BRSK1: variants seen among roughly 807,000 people sequenced by gnomAD.
The protein encoded by BRSK1 is serine/threonine-protein kinase BRSK1.
In BRSK1, 17 loss-of-function variants were observed where a neutral mutation model predicts 86.2. That is an observed-to-expected ratio of 0.20 (90% CI 0.14 to 0.30). The LOEUF (loss-of-function observed/expected upper bound fraction) is 0.30, where lower values mean the gene tolerates loss of function less well. Ranked by LOEUF, BRSK1 falls within the 10% of genes least tolerant of loss-of-function variation. The pLI is 1.00. For synonymous variants in BRSK1, 464 were observed against 440.1 expected (o/e 1.05, Z -0.68); for missense variants, 719 against 1,071.9 (o/e 0.67, Z 4.60).
Position 55,302,220 on chromosome 19 carries a change from G to A in BRSK1, c.857+52G>A, listed in dbSNP as rs2088582063. The stretch of plus-strand genomic sequence containing the variant: ...GGTCCCTGGCGGAAATAGGGGAGGG[G>A]CCAAAGCAGTAGAAGCGGCTGGGAG... On this transcript the variant is annotated intron_variant, in intron 9 of 18. Coordinates refer to ENST00000309383, the MANE Select transcript of BRSK1 (RefSeq NM_032430.2). This position sits in a 1 kb window ranked among gnomAD's most constrained non-coding sequence, Gnocchi z 6.3. 2.5e-6 allele frequency: 4 copies of A among 1,599,474 alleles called. No individual in the cohort carries two copies. The highest frequency in any genetic ancestry group is 2.7e-5 in the African/African-American group (2 of 74,610).
Position 55,304,406 on chromosome 19 carries a change from T to C in BRSK1, c.1348-145T>C. 9.3e-7 allele frequency: 1 copy of C among 1,078,984 alleles called. No homozygotes were observed. Among genetic ancestry groups the C allele is most frequent in the Admixed American group, 3.1e-5 (1 of 31,912 alleles). The allele number at this position is 1,078,984 out of a possible 1,614,324, so 66.8% of individuals were successfully genotyped here. A position where few individuals can be genotyped will look rare whatever the true frequency, so the allele number is the denominator to read the frequency against. On this transcript the variant is annotated intron_variant, in intron 13 of 18. Coordinates refer to ENST00000309383, the MANE Select transcript of BRSK1 (RefSeq NM_032430.2). This position sits in a 1 kb window ranked among gnomAD's most constrained non-coding sequence, Gnocchi z 5.2. ...GATAGAAAGTCTTTGCTATCCTTGC[T>C]CTGGGGCCTGGGAAGGAGGATACTT...
intron 7 of BRSK1, among the ~76,000 whole-genome samples, chr19:55,296,751 G>C (rs531179349): frequency 1.6e-3 from 248 of 152,258 alleles, no homozygotes; most frequent in African/African-American, 5.8e-3. Context: ...GGGAGGCTGA[G>C]GCAGGAGAAT....
At position 55,302,226 on chromosome 19, in the gene BRSK1, G is replaced by A. The variant is rs1373159690; in HGVS notation, c.857+58G>A. On this transcript the variant is annotated intron_variant, in intron 9 of 18. Coordinates refer to ENST00000309383, the MANE Select transcript of BRSK1 (RefSeq NM_032430.2). This position sits in a 1 kb window ranked among gnomAD's most constrained non-coding sequence, Gnocchi z 6.3. ...TGGCGGAAATAGGGGAGGGGCCAAA[G>A]CAGTAGAAGCGGCTGGGAGGGGTGG... is the stretch of plus-strand genomic sequence containing the variant. 3 of 1,598,462 alleles carry A rather than the reference G, an allele frequency of 1.9e-6. No homozygotes were observed. Among genetic ancestry groups the A allele is most frequent in the Non-Finnish European group, 2.6e-6 (3 of 1,166,016 alleles).
chr19:55,311,023 C>T (rs994027140), intron 18 of BRSK1, among the ~76,000 whole-genome samples: 17 of 152,100 alleles, frequency 1.1e-4, no homozygotes, highest in Admixed American at 2.0e-4. Context: ...TGCAGTGGCG[C>T]GATCTCAGCT....
chr19:55,299,763 G>A (rs1652649024), intron 7 of BRSK1, among the ~76,000 whole-genome samples: 1 of 152,098 alleles, frequency 6.6e-6, no homozygotes, highest in African/African-American at 2.4e-5. Context: ...AGAGGAAACT[G>A]AGGCTCTGTG....
In BRSK1 at chr19:55,302,563, C is replaced by T. The variant is rs958455580; in HGVS notation, c.858-134C>T. ...AGATGGGGGGCGAGGTCTGGGGCGT[C>T]TGGATTCCTGGGTATGAGAGAGAAG... On this transcript the variant is annotated intron_variant, in intron 9 of 18. Coordinates refer to ENST00000309383, the MANE Select transcript of BRSK1 (RefSeq NM_032430.2). The surrounding 1 kb of genome is among the most constrained non-coding windows in gnomAD (Gnocchi z 6.3). The T allele has an allele frequency of 2.0e-5, 24 of 1,201,950 alleles. No homozygotes were observed. Among genetic ancestry groups the T allele is most frequent in the Non-Finnish European group, 2.6e-5 (22 of 853,022 alleles). 74.5% of individuals were successfully genotyped at this position (1,201,950 alleles called of 1,614,324 possible). A position where few individuals can be genotyped will look rare whatever the true frequency, so the allele number is the denominator to read the frequency against.
intron 3 of BRSK1, among the ~76,000 whole-genome samples, chr19:55,289,136 C>A (rs888776296): frequency 6.6e-6 from 1 of 152,132 alleles, no homozygotes; most frequent in African/African-American, 2.4e-5. Flanking sequence ...GTCGCCTTAT[C>A]TCCTGAAACC....
At chr19:55,298,672 C>T (rs970826569) in intron 7 of BRSK1, among the ~76,000 whole-genome samples, 5 of 152,204 alleles carry the variant, frequency 3.3e-5, no homozygotes, top group African/African-American at 1.2e-4. Flanking sequence ...AACAAAGTGA[C>T]CCTGTTTCAG....
In BRSK1 at chr19:55,302,090, T is replaced by C. The variant is rs768892600; in HGVS notation, c.826-47T>C. ...CAGTCTTTCATTGCGCGCCTACATG[T>C]GCCTACGACCTCACTTCTGCTTCTC... On this transcript the variant is annotated intron_variant, in intron 8 of 18. Coordinates refer to ENST00000309383, the MANE Select transcript of BRSK1 (RefSeq NM_032430.2). The surrounding 1 kb of genome is among the most constrained non-coding windows in gnomAD (Gnocchi z 6.3). 4.3e-5 allele frequency: 69 copies of C among 1,612,460 alleles called. No homozygotes were observed. The highest frequency in any genetic ancestry group is 5.9e-5 in the Non-Finnish European group (69 of 1,178,546).
At position 55,292,559 on chromosome 19, in the gene BRSK1, C is replaced by T. The variant is rs531128141; in HGVS notation, c.459-1458C>T. The stretch of plus-strand genomic sequence containing the variant: ...TATTATAAAAAGTTTCCAGGCCGGG[C>T]GCGGTGGCTCACGCCTGTAATCCCA... On this transcript the variant is annotated intron_variant, in intron 4 of 18. Transcript: ENST00000309383. 3.1e-4 allele frequency among the ~76,000 whole-genome samples: 47 copies of T among 152,176 alleles called. No homozygotes were observed. In the East Asian group the frequency reaches 8.3e-3, roughly 27 times the overall value.
Position 55,294,351 on chromosome 19 carries a change from G to T in BRSK1, c.632G>T (p.Arg211Leu), listed in dbSNP as rs779748376. ...VIKGEKYDGR[R>L]ADMWSCGVIL... ...CAGGGGGAAAAATATGATGGCCGCCGGGCAGACATGTGGAGCTGTGGAGTC... is the reference window on the plus strand; with the variant it reads ...CAGGGGGAAAAATATGATGGCCGCCTGGCAGACATGTGGAGCTGTGGAGTC... Residue 211 changes from arginine (R) to leucine (L), a missense_variant, in exon 7 of 19, where the codon CGG (arginine) becomes CTG (leucine). Physicochemically the swap from Arg to Leu is moderately radical, Grantham distance 102. Coordinates refer to ENST00000309383, the MANE Select transcript of BRSK1 (RefSeq NM_032430.2). The surrounding 1 kb of genome is among the most constrained non-coding windows in gnomAD (Gnocchi z 4.9). 6.2e-7 allele frequency: 1 copy of T among 1,613,974 alleles called. No individual in the cohort carries two copies. The highest frequency in any genetic ancestry group is 2.2e-5 in the East Asian group (1 of 44,896).
rs553093033 is a variant in BRSK1, at chr19:55,312,166, G to C, written c.*98G>C. 47 of 582,098 alleles carry C rather than the reference G, an allele frequency of 8.1e-5. No homozygotes were observed. Among genetic ancestry groups the C allele is most frequent in the Non-Finnish European group, 1.1e-4 (38 of 344,264 alleles). The allele number at this position is 582,098 out of a possible 1,614,324, so 36.1% of individuals were successfully genotyped here. A position where few individuals can be genotyped will look rare whatever the true frequency, so the allele number is the denominator to read the frequency against. ...TAAGGCCCAAGGAACATGTCGGGAG[G>C]GGGGTGGACACAAAAACCGGCCTTG... On this transcript the variant is annotated 3_prime_UTR_variant, in exon 19 of 19. Coordinates refer to ENST00000309383, the MANE Select transcript of BRSK1 (RefSeq NM_032430.2).
chr19:55,310,111 C>T lies in BRSK1; in HGVS notation c.2179+1383C>T, dbSNP rs74532565. On this transcript the variant is annotated intron_variant, in intron 18 of 18. Transcript: ENST00000309383. This position sits in a 1 kb window ranked among gnomAD's most constrained non-coding sequence, Gnocchi z 5.0. ...TCAACTAGGGGAGCTGGTTTCACCC[C>T]GTGTTTGTTTTCTATGGCCGCCGTC... is the stretch of plus-strand genomic sequence containing the variant. Among the ~76,000 whole-genome samples the T allele has an allele frequency of 3.6e-4, 55 of 152,312 alleles. No individual in the cohort carries two copies. Among genetic ancestry groups the T allele is most frequent in the African/African-American group, 1.3e-3 (53 of 41,566 alleles).
rs1271188822 is a variant in BRSK1, at chr19:55,304,556, G to T, written c.1353G>T (p.Pro451=). 1 of 1,582,130 alleles carries T rather than the reference G, an allele frequency of 6.3e-7. No individual in the cohort carries two copies. The highest frequency in any genetic ancestry group is 8.6e-7 in the Non-Finnish European group (1 of 1,167,118). The part of the protein sequence containing the change: ...SSSPLSSPRS[P]VFSFSPEPGA... The stretch of plus-strand genomic sequence containing the variant: ...CAGTCTCCTGTCCTCTGCAGAGTCC[G>T]GTCTTTTCCTTTTCACCGGAGCCGG... The change falls in exon 14 of 19, where the codon CCG becomes CCT. Residue 451 remains proline, a synonymous_variant. Transcript: ENST00000309383. This position sits in a 1 kb window ranked among gnomAD's most constrained non-coding sequence, Gnocchi z 5.2.
rs746582313 is a variant in BRSK1 at position 55,311,902 on chromosome 19, C to T, written c.2180-9C>T. 19 of 1,611,170 alleles carry T rather than the reference C, an allele frequency of 1.2e-5. No individual in the cohort carries two copies. Among genetic ancestry groups the T allele is most frequent in the Non-Finnish European group, 1.4e-5 (17 of 1,178,952 alleles). ...CGGAACCCACGAAAAACCTCTTCCT[C>T]CCTTGCAGACGAGAAGAACGGGGCC... On this transcript the variant is annotated splice_polypyrimidine_tract_variant and intron_variant, in intron 18 of 18. Coordinates refer to ENST00000309383, the MANE Select transcript of BRSK1 (RefSeq NM_032430.2).
chr19:55,299,376 T>G (rs892962703), intron 7 of BRSK1, among the ~76,000 whole-genome samples: 4 of 146,868 alleles, frequency 2.7e-5, no homozygotes, highest in Non-Finnish European at 4.5e-5. Flanking sequence ...TTTTGGTTTT[T>G]TTTTTTGTTT....
intron 4 of BRSK1, among the ~76,000 whole-genome samples, chr19:55,292,266 G>C (rs745341475): frequency 1.3e-5 from 2 of 152,200 alleles, no homozygotes; most frequent in African/African-American, 2.4e-5. Context: ...AGGGTGGGAA[G>C]GTCCCAAGAC....
Position 55,287,140 on chromosome 19 carries a change from G to T in BRSK1, c.231+39G>T, listed in dbSNP as rs1324514877. ...CTGCAGTGTGCCTGCGGGTGGGGGG[G>T]CCTCCGGGGCTGAGGGCAGGGGCGG... is the stretch of plus-strand genomic sequence containing the variant. On this transcript the variant is annotated intron_variant, in intron 2 of 18. Transcript: ENST00000309383. This position sits in a 1 kb window ranked among gnomAD's most constrained non-coding sequence, Gnocchi z 5.3. The T allele has an allele frequency of 6.8e-7, 1 of 1,473,766 alleles. No individual in the cohort carries two copies. The highest frequency in any genetic ancestry group is 1.4e-5 in the African/African-American group (1 of 72,064). The allele number at this position is 1,473,766 out of a possible 1,614,324, so 91.3% of individuals were successfully genotyped here. A position where few individuals can be genotyped will look rare whatever the true frequency, so the allele number is the denominator to read the frequency against.
chr19:55,284,489 A>ACCAACCCCCCCC lies in BRSK1; in HGVS notation c.49_50insAACCCCCCCCCC (p.His16_Leu17insGlnProProPro). On this transcript the variant is annotated inframe_insertion, in exon 1 of 19. Coordinates refer to ENST00000309383, the MANE Select transcript of BRSK1 (RefSeq NM_032430.2). ...GGAGGTGGGGGCTCTCCCGCCTACC[A>ACCAACCCCCCCC]CCTCCCCCACCCCCACCCCCACCCA... The ACCAACCCCCCCC allele has an allele frequency of 3.9e-6, 3 of 764,824 alleles. No homozygotes were observed. Among genetic ancestry groups the ACCAACCCCCCCC allele is most frequent in the Non-Finnish European group, 5.8e-6 (3 of 515,348 alleles). 47.4% of individuals were successfully genotyped at this position (764,824 alleles called of 1,614,324 possible).
Sources: gnomAD v4.1 joint callset for allele counts (sites outside exome capture counted in the v4.1 genomes callset) on GRCh38, gnomAD v4.1.1 for gene constraint, Gnocchi (gnomAD v3.1) non-coding constraint, MANE v1.5 for transcripts, NCBI Gene and HGNC (gene_info 2026-07-23, HGNC 2026-07-21) for gene names.